Variants in TLE1 observed in about 807,000 individuals in gnomAD.
TLE1 encodes TLE family member 1, transcriptional corepressor.
A neutral mutation model predicts 89.8 loss-of-function variants in TLE1; 21 were observed. The ratio of observed to expected loss-of-function variants is 0.23; its 90% confidence interval spans 0.17 to 0.34. TLE1 has a LOEUF of 0.34. Ranked by LOEUF, TLE1 falls within the 10% of genes least tolerant of loss-of-function variation. TLE1 has a pLI of 1.00. For missense variants in TLE1, 795 were observed against 1,031.2 expected (o/e 0.77, Z 3.14); for synonymous variants, 447 against 407.6 (o/e 1.10, Z -1.16).
At chr9:81,589,183 G>A (rs1345903372) in intron 16 of TLE1, among the ~76,000 whole-genome samples, 2 of 152,124 alleles carry the variant, frequency 1.3e-5, no homozygotes, top group African/African-American at 4.8e-5. Flanking sequence ...CCTTCAAACA[G>A]CTCTGGAAAT....
At chr9:81,671,683 A>C (rs571329689) in intron 4 of TLE1, among the ~76,000 whole-genome samples, 2 of 152,204 alleles carry the variant, frequency 1.3e-5, no homozygotes, top group African/African-American at 4.8e-5. Context: ...ACTCAGAAAA[A>C]TCCAGTCAGT....
At chr9:81,647,776 C>T (rs1172965735) in intron 6 of TLE1, among the ~76,000 whole-genome samples, 1 of 152,126 alleles carries the variant, frequency 6.6e-6, no homozygotes, top group East Asian at 1.9e-4. Flanking sequence ...GCTAAGTATC[C>T]TCCCCAAGTC....
intron 9 of TLE1, among the ~76,000 whole-genome samples, chr9:81,617,277 A>G (rs574816842): frequency 1.3e-5 from 2 of 152,386 alleles, no homozygotes; most frequent in African/African-American, 2.4e-5. Context: ...TTTTGGAAAG[A>G]TAATAGATGG....
At chr9:81,637,565 C>T (rs1430244324) in intron 6 of TLE1, among the ~76,000 whole-genome samples, 1 of 152,108 alleles carries the variant, frequency 6.6e-6, no homozygotes, top group Non-Finnish European at 1.5e-5. Context: ...CCTTCTAGGT[C>T]CCCTGAACAA....
chr9:81,636,364 G>C (rs1827359179), intron 6 of TLE1, among the ~76,000 whole-genome samples: 1 of 148,652 alleles, frequency 6.7e-6, no homozygotes, highest in Admixed American at 6.9e-5. Flanking sequence ...TAAGAAATGT[G>C]CTTGGAGAAG....
At chr9:81,680,675 G>A (rs952002412) in intron 4 of TLE1, among the ~76,000 whole-genome samples, 13 of 152,024 alleles carry the variant, frequency 8.6e-5, no homozygotes, top group African/African-American at 1.7e-4. Flanking sequence ...CTTGCACCTC[G>A]GAATCTAGGC....
intron 6 of TLE1, among the ~76,000 whole-genome samples, chr9:81,644,137 T>C (rs1564017014): frequency 6.6e-6 from 1 of 152,166 alleles, no homozygotes; most frequent in Non-Finnish European, 1.5e-5. Context: ...TCGTACGCTA[T>C]TGTGGGAATG....
At chr9:81,607,276 C>G (rs1831823358) in intron 14 of TLE1, among the ~76,000 whole-genome samples, 1 of 151,992 alleles carries the variant, frequency 6.6e-6, no homozygotes, top group Non-Finnish European at 1.5e-5. Context: ...GCTCACAAGC[C>G]AAGGACATGA....
At chr9:81,682,898 G>GT (rs1833802177) in intron 4 of TLE1, among the ~76,000 whole-genome samples, 1 of 152,128 alleles carries the variant, frequency 6.6e-6, no homozygotes, top group Admixed American at 6.5e-5. Context: ...TACCATTCCT[G>GT]TTTCATTGCC....
At chr9:81,626,776 G>A (rs1825955822) in intron 8 of TLE1, among the ~76,000 whole-genome samples, 2 of 152,160 alleles carry the variant, frequency 1.3e-5, no homozygotes. Context: ...AGGACAGGGT[G>A]CTAAAACCAC....
chr9:81,689,141 C>G lies in TLE1; in HGVS notation c.-901G>C, dbSNP rs1474379321. ...GACCCTTCTTCCGAGCTCCTTCTTC[C>G]TCGGTCTTCTTTCTTTCCTTCCTTC... On this transcript the variant is annotated 5_prime_UTR_variant, in exon 1 of 20. Transcript: ENST00000376499. 2.0e-5 allele frequency: 3 copies of G among 152,402 alleles called. No homozygotes were observed. Among genetic ancestry groups the G allele is most frequent in the Non-Finnish European group, 1.5e-5 (1 of 68,190 alleles). 9.4% of individuals were successfully genotyped at this position (152,402 alleles called of 1,614,324 possible). A position where few individuals can be genotyped will look rare whatever the true frequency, so the allele number is the denominator to read the frequency against.
At chr9:81,653,320 G>T (rs1829782376) in intron 5 of TLE1, among the ~76,000 whole-genome samples, 1 of 152,156 alleles carries the variant, frequency 6.6e-6, no homozygotes, top group South Asian at 2.1e-4. Context: ...ACACGTTACA[G>T]CATTTACTAG....
At chr9:81,610,968 G>C (rs142711358) in intron 13 of TLE1, among the ~76,000 whole-genome samples, 45 of 152,176 alleles carry the variant, frequency 3.0e-4, no homozygotes, top group Non-Finnish European at 5.3e-4. Flanking sequence ...TCTCCTACAA[G>C]TGCAATATCA....
At chr9:81,600,035 G>C in intron 14 of TLE1, 1 of 688,326 alleles carries the variant, frequency 1.5e-6, no homozygotes. Flanking sequence ...CAACATTTAA[G>C]ATTCTGAGTT....
At chr9:81,587,920 G>GTA in intron 16 of TLE1, 92 bp from the exon 17 acceptor site, 1 of 1,015,460 alleles carries the variant, frequency 9.8e-7, no homozygotes, top group East Asian at 2.8e-5. Flanking sequence ...GTGTGTGTGT[G>GTA]TGTGTGTGTG....
At chr9:81,648,217 G>C (rs1829102658) in intron 6 of TLE1, among the ~76,000 whole-genome samples, 1 of 144,432 alleles carries the variant, frequency 6.9e-6, no homozygotes, top group Admixed American at 7.1e-5. Context: ...AGGTTGCAGT[G>C]AGCCGAGATC....
At chr9:81,605,235 A>G (rs1411872105) in intron 14 of TLE1, among the ~76,000 whole-genome samples, 1 of 152,208 alleles carries the variant, frequency 6.6e-6, no homozygotes, top group Non-Finnish European at 1.5e-5. Context: ...TAAGTGCCTC[A>G]GACCAGCCCT....
At chr9:81,633,876 T>C in intron 7 of TLE1, 2 of 505,188 alleles carry the variant, frequency 4.0e-6, no homozygotes, top group East Asian at 6.0e-5. Flanking sequence ...GATGTCAAGA[T>C]GCCTGCAATC....
At chr9:81,675,887 G>A (rs925526697) in intron 4 of TLE1, among the ~76,000 whole-genome samples, 1 of 151,942 alleles carries the variant, frequency 6.6e-6, no homozygotes, top group Non-Finnish European at 1.5e-5. Context: ...TTTCAGCAGA[G>A]ACGGGGTTTC....
Sources: allele counts gnomAD v4.1 joint callset (sites outside exome capture counted in the v4.1 genomes callset), GRCh38; gene constraint gnomAD v4.1.1; transcripts MANE v1.5; gene names NCBI Gene and HGNC (gene_info 2026-07-23, HGNC 2026-07-21).